Variants in CCDC30 observed in about 807,000 individuals in gnomAD.
CCDC30 encodes coiled-coil domain-containing protein 30.
Under a neutral mutation model 100.2 loss-of-function variants are expected in CCDC30, and 70 were observed. That is an observed-to-expected ratio of 0.70 (90% confidence interval 0.58 to 0.85). CCDC30 has a LOEUF of 0.85. Among genes scored for constraint, CCDC30 ranks in the 40% least tolerant of loss-of-function variants. CCDC30 has a pLI of 0.00. For missense variants in CCDC30, 652 were observed against 771.2 expected, an observed-to-expected ratio of 0.85 and a Z score of 1.83; for synonymous variants, 233 against 269.5, an observed-to-expected ratio of 0.86 and a Z score of 1.33.
At chr1:42,482,514 CACAT>C (rs957081232) in intron 2 of CCDC30, 145 bp from the exon 3 acceptor site, 71 of 417,248 alleles carry the variant, frequency 1.7e-4, no homozygotes, top group South Asian at 4.0e-4. Flanking sequence ...CAGACACACA[CACAT>C]ACACACACAC....
At chr1:42,510,770 G>T (rs1644465399) in intron 6 of CCDC30, among the ~76,000 whole-genome samples, 1 of 152,004 alleles carries the variant, frequency 6.6e-6, no homozygotes, top group Non-Finnish European at 1.5e-5. Context: ...AACTTGAGGG[G>T]GGCCCCAAAT....
intron 9 of CCDC30, among the ~76,000 whole-genome samples, chr1:42,587,030 C>T (rs1049315765): frequency 6.6e-6 from 1 of 152,142 alleles, no homozygotes; most frequent in African/African-American, 2.4e-5. Flanking sequence ...TGGGGTCTCA[C>T]TCTGTCACCC....
intron 6 of CCDC30, 140 bp from the exon 8 acceptor site, chr1:42,539,033 C>G (rs1644962358): frequency 1.8e-6 from 1 of 543,158 alleles, no homozygotes; most frequent in African/African-American, 2.0e-5. Context: ...AGGCATCGGT[C>G]TGCCAGAAGG....
chr1:42,544,736 G>A (rs1319816996), intron 6 of CCDC30, among the ~76,000 whole-genome samples: 1 of 151,922 alleles, frequency 6.6e-6, no homozygotes, highest in African/African-American at 2.4e-5. Context: ...TGAACTCCTG[G>A]ACTCAAGCAA....
chr1:42,597,011 A>G (rs1229228072), intron 10 of CCDC30, among the ~76,000 whole-genome samples: 1 of 152,188 alleles, frequency 6.6e-6, no homozygotes, highest in Non-Finnish European at 1.5e-5. Context: ...TGTAACAGAA[A>G]TGAATACCTT....
chr1:42,516,345 G>A (rs187598869), intron 6 of CCDC30, among the ~76,000 whole-genome samples: 62 of 152,104 alleles, frequency 4.1e-4, no homozygotes, highest in Middle Eastern at 3.4e-3. Flanking sequence ...AGGTGGTACC[G>A]AGTGACAGGT....
rs1164701711 is a variant in CCDC30, at chr1:42,490,143, T to G, written c.170-15T>G. 2.0e-6 allele frequency: 2 copies of G among 1,016,826 alleles called. No individual in the cohort carries two copies. Among genetic ancestry groups the G allele is most frequent in the Non-Finnish European group, 2.5e-6 (2 of 790,750 alleles). The allele number at this position is 1,016,826 out of a possible 1,614,324, so 63.0% of individuals were successfully genotyped here. On this transcript the variant is annotated splice_polypyrimidine_tract_variant and intron_variant, in intron 3 of 16. Transcript: ENST00000668663. ...TCATTTGTTCCTTATACAAATATTT[T>G]ATTTCTTTTTTTAGATTCTGCACTT...
intron 6 of CCDC30, chr1:42,529,795 G>T (rs1484883086): frequency 6.6e-6 from 1 of 152,168 alleles, no homozygotes; most frequent in Non-Finnish European, 1.5e-5. Context: ...CCTGGCATGG[G>T]TTGTTTCCTT....
chr1:42,479,194 G>A (rs1430471398), intron 1 of CCDC30, among the ~76,000 whole-genome samples: 1 of 152,086 alleles, frequency 6.6e-6, no homozygotes, highest in Non-Finnish European at 1.5e-5. Flanking sequence ...TGGCCAACAT[G>A]GTGAAACCCC....
At chr1:42,655,284 G>A (rs915693030), downstream of CCDC30, among the ~76,000 whole-genome samples, 1 of 152,176 alleles carries the variant, frequency 6.6e-6, no homozygotes, top group Admixed American at 6.5e-5. Context: ...GCTTACACCT[G>A]TGATCCCAGC....
chr1:42,476,551 G>C (rs1237858464), intron 1 of CCDC30, among the ~76,000 whole-genome samples: 1 of 152,042 alleles, frequency 6.6e-6, no homozygotes, highest in Non-Finnish European at 1.5e-5. Context: ...TTAGCCGGAT[G>C]TGGTGGTTCA....
intron 5 of CCDC30, 95 bp from the exon 6 acceptor site, chr1:42,498,723 G>A: frequency 2.0e-6 from 1 of 505,564 alleles, no homozygotes; most frequent in Non-Finnish European, 3.1e-6. Context: ...CAAGGAGAAT[G>A]TATTTATATA....
intron 9 of CCDC30, among the ~76,000 whole-genome samples, chr1:42,586,725 A>G (rs1387706654): frequency 6.6e-6 from 1 of 152,226 alleles, no homozygotes; most frequent in African/African-American, 2.4e-5. Context: ...ATCAAGGAAC[A>G]GAAAAAATAT....
At chr1:42,465,107 A>G (rs962751350) in intron 1 of CCDC30, among the ~76,000 whole-genome samples, 2 of 152,166 alleles carry the variant, frequency 1.3e-5, no homozygotes, top group African/African-American at 4.8e-5. Flanking sequence ...AAATTTAAAA[A>G]CAATTTAACC....
chr1:42,655,867 C>CTTT (rs766715541), downstream of CCDC30, among the ~76,000 whole-genome samples: 587 of 87,244 alleles, frequency 6.7e-3, 2 homozygotes, highest in Non-Finnish European at 8.6e-3. Context: ...GCTGTTTTTA[C>CTTT]TTTTTTTTTT....
intron 6 of CCDC30, among the ~76,000 whole-genome samples, chr1:42,532,885 C>T (rs983817228): frequency 2.0e-5 from 3 of 152,258 alleles, no homozygotes; most frequent in African/African-American, 7.2e-5. Flanking sequence ...CCTGCCTCAG[C>T]CTCCCAAGTA....
At chr1:42,546,245 C>T (rs1306020099) in intron 6 of CCDC30, among the ~76,000 whole-genome samples, 10 of 150,154 alleles carry the variant, frequency 6.7e-5, no homozygotes, top group South Asian at 2.1e-4. Context: ...ATTAGCTGGG[C>T]GTGGTGGTGC....
intron 11 of CCDC30, among the ~76,000 whole-genome samples, chr1:42,615,125 T>G (rs964881320): frequency 6.6e-6 from 1 of 152,094 alleles, no homozygotes; most frequent in Admixed American, 6.5e-5. Flanking sequence ...TTAAGGATTT[T>G]GGATTGGGCC....
At chr1:42,617,890 G>A (rs142263982) in intron 11 of CCDC30, among the ~76,000 whole-genome samples, 1 of 152,128 alleles carries the variant, frequency 6.6e-6, no homozygotes, top group African/African-American at 2.4e-5. Context: ...GCAAGAAGGG[G>A]GTTTGTTTTG....
Sources: gnomAD v4.1 joint callset for allele counts (sites outside exome capture counted in the v4.1 genomes callset) on GRCh38, gnomAD v4.1.1 for gene constraint, MANE v1.5 for transcripts, NCBI Gene and HGNC (gene_info 2026-07-23, HGNC 2026-07-21) for gene names.